The following TMEM178B variants were observed in gnomAD, a reference collection of about 807,000 sequenced individuals.
TMEM178B encodes transmembrane protein 178B.
TMEM178B carries 5 observed loss-of-function variants against 31.0 expected under a neutral mutation model. The ratio of observed to expected loss-of-function variants is 0.16; its 90% CI spans 0.08 to 0.34. TMEM178B has a LOEUF of 0.34. Among genes scored for constraint, TMEM178B ranks in the 10% least tolerant of loss-of-function variants. The pLI, the probability that TMEM178B is intolerant of heterozygous loss-of-function variation, is 1.00. For missense variants in TMEM178B, 275 were observed against 400.3 expected, an observed-to-expected ratio of 0.69 and a Z score of 2.67; for synonymous variants, 164 against 164.0, an observed-to-expected ratio of 1.00 and a Z score of 0.00.
chr7:141,277,669 T>C (rs1798287881), intron 2 of TMEM178B, among the ~76,000 whole-genome samples: 1 of 152,162 alleles, frequency 6.6e-6, no homozygotes. Context: ...CACTGTCATA[T>C]ACGTGGCTCA....
At chr7:141,507,313 A>C in the TMEM178B span, among the ~76,000 whole-genome samples, 1 of 152,120 alleles carries the variant, frequency 6.6e-6, no homozygotes, top group African/African-American at 2.4e-5. Flanking sequence ...CCCCTGCAAC[A>C]AACTTTCACT....
At chr7:141,430,926 C>T (rs909327276) in intron 2 of TMEM178B, among the ~76,000 whole-genome samples, 2 of 152,184 alleles carry the variant, frequency 1.3e-5, no homozygotes, top group Non-Finnish European at 1.5e-5. Context: ...CTAACACCCT[C>T]CTGCTTTGTA....
chr7:141,129,862 A>G lies in TMEM178B; in HGVS notation c.382+55170A>G, dbSNP rs28812495. ...TTCAAAGGGTGAGGGGCGGGGCTGC[A>G]CGGCTTCCAGGCTATAAATATTTTC... On this transcript the variant is annotated intron_variant, in intron 1 of 3. Transcript: ENST00000565468. Among the ~76,000 whole-genome samples, 969 of 152,302 alleles carry G rather than the reference A, an allele frequency of 6.4e-3. 12 individuals carry two copies. Among genetic ancestry groups the G allele is most frequent in the African/African-American group, 0.021 (885 of 41,576 alleles).
At chr7:141,135,570 C>T (rs749396596) in intron 1 of TMEM178B, among the ~76,000 whole-genome samples, 4 of 152,098 alleles carry the variant, frequency 2.6e-5, no homozygotes, top group Admixed American at 6.6e-5. Flanking sequence ...AAATCAATAA[C>T]AAGAGGAACT....
At chr7:141,245,335 G>T (rs906380899) in intron 2 of TMEM178B, among the ~76,000 whole-genome samples, 2 of 151,894 alleles carry the variant, frequency 1.3e-5, no homozygotes, top group Non-Finnish European at 2.9e-5. Flanking sequence ...CTGTGGAAAG[G>T]CCAGAAGCAG....
chr7:141,506,697 A>C, the TMEM178B span, among the ~76,000 whole-genome samples: 1 of 152,094 alleles, frequency 6.6e-6, no homozygotes, highest in African/African-American at 2.4e-5. Context: ...CACATTTCAA[A>C]ACCAATCATG....
intron 2 of TMEM178B, among the ~76,000 whole-genome samples, chr7:141,311,031 A>G (rs919492224): frequency 5.9e-5 from 9 of 152,238 alleles, no homozygotes; most frequent in Non-Finnish European, 1.2e-4. Flanking sequence ...CATTATCCTC[A>G]GCAAACTCAC....
chr7:141,173,910 G>A (rs1796385718), intron 1 of TMEM178B, among the ~76,000 whole-genome samples: 1 of 152,154 alleles, frequency 6.6e-6, no homozygotes, highest in Non-Finnish European at 1.5e-5. Flanking sequence ...ATGAAAGTGT[G>A]AGAAGTGATT....
chr7:141,451,314 A>G (rs1446535006), intron 3 of TMEM178B, among the ~76,000 whole-genome samples: 1 of 152,206 alleles, frequency 6.6e-6, no homozygotes, highest in Non-Finnish European at 1.5e-5. Context: ...GATGTGCAAA[A>G]TGCTCAGAAC....
At chr7:141,510,639 C>T in the TMEM178B span, among the ~76,000 whole-genome samples, 24 of 127,888 alleles carry the variant, frequency 1.9e-4, no homozygotes, top group Non-Finnish European at 2.3e-4. Context: ...GAGCCAAGAA[C>T]GCACTGTTGC....
chr7:141,481,736 G>A (rs529812072), downstream of TMEM178B, among the ~76,000 whole-genome samples: 11 of 152,264 alleles, frequency 7.2e-5, no homozygotes, highest in African/African-American at 2.4e-4. Context: ...AGAACTTGAA[G>A]AAATGGGAGA....
chr7:141,220,772 G>A (rs987604240), intron 2 of TMEM178B, among the ~76,000 whole-genome samples: 4 of 152,088 alleles, frequency 2.6e-5, no homozygotes, highest in Non-Finnish European at 5.9e-5. Context: ...GCACTGATAC[G>A]GACACCACAC....
At chr7:141,291,415 G>A (rs181231006) in intron 2 of TMEM178B, among the ~76,000 whole-genome samples, 18 of 152,260 alleles carry the variant, frequency 1.2e-4, no homozygotes, top group Admixed American at 2.6e-4. Context: ...GTGTGCCCCC[G>A]TTCCTGGAAG....
chr7:141,333,212 G>A (rs748282955), intron 2 of TMEM178B, among the ~76,000 whole-genome samples: 21 of 152,198 alleles, frequency 1.4e-4, no homozygotes, highest in East Asian at 7.7e-4. Context: ...TTGATCACGC[G>A]TTAGTTGGTA....
At position 141,392,786 on chromosome 7, in the gene TMEM178B, C is replaced by G. The variant is rs570796090; in HGVS notation, c.497-44822C>G. ...AGATCAAATCTGGCTCAGTGGACAG[C>G]AGCATCTCTCTAGGTCCCTGGGAGC... is the stretch of plus-strand genomic sequence containing the variant. On this transcript the variant is annotated intron_variant, in intron 2 of 3. Coordinates refer to ENST00000565468, the MANE Select transcript of TMEM178B (RefSeq NM_001195278.2). Among the ~76,000 whole-genome samples, 275 of 151,702 alleles carry G rather than the reference C, an allele frequency of 1.8e-3. 1 individual carries two copies. Among genetic ancestry groups the G allele is most frequent in the African/African-American group, 6.3e-3 (259 of 41,348 alleles).
chr7:141,460,666 A>C (rs1486283671), intron 3 of TMEM178B, among the ~76,000 whole-genome samples: 1 of 152,190 alleles, frequency 6.6e-6, no homozygotes, highest in African/African-American at 2.4e-5. Context: ...GTTGCTGTGG[A>C]AAGCTCACAC....
chr7:141,345,604 C>T (rs1484864190), intron 2 of TMEM178B, among the ~76,000 whole-genome samples: 1 of 152,180 alleles, frequency 6.6e-6, no homozygotes, highest in African/African-American at 2.4e-5. Context: ...TTGTCATTCT[C>T]TTTACCCTGC....
intron 2 of TMEM178B, among the ~76,000 whole-genome samples, chr7:141,357,456 C>A (rs1799840593): frequency 6.6e-6 from 1 of 152,156 alleles, no homozygotes; most frequent in African/African-American, 2.4e-5. Context: ...AGATCATTGT[C>A]TTTCTCAGCC....
intron 1 of TMEM178B, among the ~76,000 whole-genome samples, chr7:141,167,496 C>A (rs1425162188): frequency 1.3e-5 from 2 of 152,268 alleles, no homozygotes; most frequent in East Asian, 1.9e-4. Flanking sequence ...TTAGGAATGA[C>A]AACTCTGAAG....
Sources: gnomAD v4.1 joint callset for allele counts (sites outside exome capture counted in the v4.1 genomes callset) on GRCh38, gnomAD v4.1.1 for gene constraint, MANE v1.5 for transcripts, NCBI Gene and HGNC (gene_info 2026-07-23, HGNC 2026-07-21) for gene names.